Variants in G2E3 observed in about 807,000 individuals in gnomAD.
The protein encoded by G2E3 is G2/M phase-specific E3 ubiquitin-protein ligase.
A neutral mutation model predicts 92.8 loss-of-function variants in G2E3; 35 were observed. That is an observed-to-expected ratio of 0.38 (90% CI 0.29 to 0.50). G2E3 has a LOEUF of 0.50. Ranked by LOEUF, G2E3 falls within the 20% of genes least tolerant of loss-of-function variation. G2E3 has a pLI of 0.94. For missense variants in G2E3, 554 were observed against 823.8 expected, an observed-to-expected ratio of 0.67 and a Z score of 4.01; for synonymous variants, 242 against 272.4, an observed-to-expected ratio of 0.89 and a Z score of 1.10.
chr14:30,610,777 T>C (rs229238), intron 12 of G2E3, among the ~76,000 whole-genome samples: 11,373 of 152,174 alleles, frequency 0.075, 641 homozygotes, highest in African/African-American at 0.15. Flanking sequence ...TAAAATCCAT[T>C]GTCTAGATTT....
intron 12 of G2E3, among the ~76,000 whole-genome samples, chr14:30,611,070 C>T (rs904839256): frequency 6.6e-6 from 1 of 152,214 alleles, no homozygotes; most frequent in Non-Finnish European, 1.5e-5. Flanking sequence ...TCGTGTAACA[C>T]TTAGCATTAT....
intron 1 of G2E3, among the ~76,000 whole-genome samples, chr14:30,580,698 AG>A (rs1334213471): frequency 6.6e-6 from 1 of 152,202 alleles, no homozygotes; most frequent in African/African-American, 2.4e-5. Context: ...CTTAGGTTCT[AG>A]GTTAATTACA....
chr14:30,594,550 G>A (rs374996044), intron 6 of G2E3, among the ~76,000 whole-genome samples: 5 of 151,824 alleles, frequency 3.3e-5, no homozygotes, highest in African/African-American at 9.7e-5. Flanking sequence ...AAAATTAGCC[G>A]GGCATGGTGG....
At chr14:30,612,033 A>G (rs1030536684) in intron 12 of G2E3, 174 bp from the exon 13 acceptor site, 2 of 528,970 alleles carry the variant, frequency 3.8e-6, no homozygotes, top group Middle Eastern at 5.0e-4. Flanking sequence ...GAAATAGACA[A>G]ATTTGTTGAA....
chr14:30,611,309 T>C (rs1048254218), intron 12 of G2E3: 8 of 152,198 alleles, frequency 5.3e-5, no homozygotes, highest in African/African-American at 1.9e-4. Flanking sequence ...AAAGATAGTA[T>C]TTTGAGCAGA....
chr14:30,562,600 CTCCCTTTCCCCGGGGGAGTT>C lies in G2E3; in HGVS notation c.-5+3330_-5+3349del, dbSNP rs772334024. ...TACTTAGCAGACCGGGAAAGGGAGT[CTCCCTTTCCCCGGGGGAGTT>C]TAGAGAAGACTCTACTCCTCCACCT... is the stretch of plus-strand genomic sequence containing the variant. On this transcript the variant is annotated intron_variant, in intron 1 of 14. Transcript: ENST00000206595. 3.8e-4 allele frequency among the ~76,000 whole-genome samples: 58 copies of C among 152,060 alleles called. 1 individual carries two copies. Among genetic ancestry groups the C allele is most frequent in the Non-Finnish European group, 3.5e-4 (24 of 67,970 alleles).
At chr14:30,585,350 G>C (rs557374511) in intron 2 of G2E3, among the ~76,000 whole-genome samples, 1 of 152,216 alleles carries the variant, frequency 6.6e-6, no homozygotes, top group East Asian at 1.9e-4. Context: ...GTGAGGTAGG[G>C]GTTCACCTAT....
At chr14:30,580,278 C>T (rs1270179175) in intron 1 of G2E3, among the ~76,000 whole-genome samples, 1 of 152,156 alleles carries the variant, frequency 6.6e-6, no homozygotes, top group East Asian at 1.9e-4. Flanking sequence ...GTGATCTTGG[C>T]TCACTGCAAC....
chr14:30,615,743 T>G (rs181197180), intron 14 of G2E3, among the ~76,000 whole-genome samples: 8 of 152,254 alleles, frequency 5.3e-5, no homozygotes, highest in Admixed American at 4.6e-4. Context: ...AAATTTATAT[T>G]TTGTAATTTT....
intron 14 of G2E3, among the ~76,000 whole-genome samples, chr14:30,615,749 A>AT (rs1407134141): frequency 6.6e-6 from 1 of 152,118 alleles, no homozygotes; most frequent in Non-Finnish European, 1.5e-5. Context: ...ATATTTTGTA[A>AT]TTTTTTTCTC....
chr14:30,559,975 A>AT (rs1328800027), intron 1 of G2E3: 1 of 152,172 alleles, frequency 6.6e-6, no homozygotes, highest in Non-Finnish European at 1.5e-5. Flanking sequence ...TGCAAACAAT[A>AT]GGGATAAGGT....
At chr14:30,578,266 T>A (rs1384519982) in intron 1 of G2E3, among the ~76,000 whole-genome samples, 1 of 152,210 alleles carries the variant, frequency 6.6e-6, no homozygotes, top group Non-Finnish European at 1.5e-5. Context: ...AACTTTTAGG[T>A]AATTTGATAC....
At chr14:30,576,981 C>T (rs1880131107) in intron 1 of G2E3, among the ~76,000 whole-genome samples, 1 of 152,074 alleles carries the variant, frequency 6.6e-6, no homozygotes, top group Non-Finnish European at 1.5e-5. Context: ...AATCCCAGCA[C>T]TTTGGGAGGC....
intron 1 of G2E3, chr14:30,559,958 C>G (rs1878993690): frequency 6.6e-6 from 1 of 152,172 alleles, no homozygotes; most frequent in African/African-American, 2.4e-5. Flanking sequence ...TAACTAGGGT[C>G]TTAGTTTGCA....
chr14:30,567,359 A>T (rs1439167460), intron 1 of G2E3, among the ~76,000 whole-genome samples: 1 of 152,056 alleles, frequency 6.6e-6, no homozygotes, highest in Non-Finnish European at 1.5e-5. Flanking sequence ...AGATTTGTTG[A>T]AATTTTCTAT....
rs771444550 is a variant in G2E3, at chr14:30,605,594, A to G, written c.1100A>G (p.Asn367Ser). ...AAAAAAACTAAAAGATTGTATATCA[A>G]CAAAGCCAATATCTGGAATAGTGCC... ...IKKKTKRLYI[N>S]KANIWNSALD... The change falls in exon 11 of 15, where the codon AAC becomes AGC. Residue 367 changes from asparagine to serine, a missense_variant. Transcript: ENST00000206595. 7 of 1,556,878 alleles carry G rather than the reference A, an allele frequency of 4.5e-6. No homozygotes were observed. The highest frequency in any genetic ancestry group is 1.7e-4 in the Middle Eastern group (1 of 5,952).
intron 10 of G2E3, among the ~76,000 whole-genome samples, chr14:30,603,325 CAAA>C (rs1231084948): frequency 1.1e-4 from 7 of 62,870 alleles, no homozygotes; most frequent in Admixed American, 3.7e-4. Flanking sequence ...GACTCTGTCT[CAAA>C]AAAAAAAAAA....
intron 8 of G2E3, 72 bp from the exon 9 acceptor site, chr14:30,601,698 C>T: frequency 2.7e-6 from 4 of 1,466,010 alleles, no homozygotes; most frequent in Non-Finnish European, 3.8e-6. Context: ...AAGGCAGGCC[C>T]TGTGGACATT....
chr14:30,565,798 A>G (rs1453498720), intron 1 of G2E3, among the ~76,000 whole-genome samples: 1 of 151,398 alleles, frequency 6.6e-6, no homozygotes, highest in Admixed American at 6.6e-5. Flanking sequence ...AGTAGCTGGG[A>G]CTATAGGCAC....
Sources: allele counts gnomAD v4.1 joint callset (sites outside exome capture counted in the v4.1 genomes callset), GRCh38; gene constraint gnomAD v4.1.1; transcripts MANE v1.5; gene names NCBI Gene and HGNC (gene_info 2026-07-23, HGNC 2026-07-21).